LRRC36: variants seen among roughly 807,000 people sequenced by gnomAD.
LRRC36 encodes the protein leucine rich repeat containing 36.
Under a neutral mutation model 81.1 loss-of-function variants are expected in LRRC36, and 62 were observed. The observed-to-expected ratio is 0.76, with a 90% CI of 0.62 to 0.94. LRRC36 has a LOEUF of 0.94. Among genes scored for constraint, LRRC36 ranks in the 40% least tolerant of loss-of-function variants. The probability of loss-of-function intolerance (pLI) is 0.00; values close to 1 mark genes in which losing one functional copy is unlikely to be tolerated. For missense variants in LRRC36, 761 were observed against 881.7 expected, an observed-to-expected ratio of 0.86 and a Z score of 1.73; for synonymous variants, 334 against 348.6, an observed-to-expected ratio of 0.96 and a Z score of 0.47.
rs766691667 is a variant in LRRC36, at chr16:67,375,420, A to C, written c.1660+8A>C. On this transcript the variant is annotated splice_region_variant and intron_variant, in intron 10 of 13. Transcript: ENST00000329956. ...TCAACAAGAAGTTTCTCGGTGAGTG[A>C]ATGCATTCTCTGTCCTTGGACAGGA... is the stretch of plus-strand genomic sequence containing the variant. 1.3e-6 allele frequency: 2 copies of C among 1,570,366 alleles called. No homozygotes were observed. Among genetic ancestry groups the C allele is most frequent in the Admixed American group, 3.9e-5 (2 of 50,966 alleles).
intron 1 of LRRC36, among the ~76,000 whole-genome samples, chr16:67,332,905 T>A (rs192581617): frequency 0.014 from 2,051 of 151,214 alleles, 26 homozygotes; most frequent in South Asian, 0.03. Context: ...TATTTTTTTT[T>A]AAAAAAAACA....
At chr16:67,344,419 T>C (rs1278705289) in intron 2 of LRRC36, among the ~76,000 whole-genome samples, 2 of 152,068 alleles carry the variant, frequency 1.3e-5, no homozygotes, top group African/African-American at 4.8e-5. Flanking sequence ...ACCCTGTCTC[T>C]ACAAAACAGA....
rs1194793258 is a variant in LRRC36 at position 67,378,612 on chromosome 16, C to T, written c.1830C>T (p.Val610=). The change falls in exon 12 of 14, where the codon GTC becomes GTT. Residue 610 remains valine, a synonymous_variant. Transcript: ENST00000329956. The stretch of plus-strand genomic sequence containing the variant: ...AGGAAAGTTTGAAGCAAAAACTGGT[C>T]AGAGTGCTGGAGGAAAACCTCATTT... ...NDMESLKQKL[V]RVLEENLILS... 1.9e-6 allele frequency: 3 copies of T among 1,613,882 alleles called. No individual in the cohort carries two copies. The highest frequency in any genetic ancestry group is 2.5e-6 in the Non-Finnish European group (3 of 1,179,868).
chr16:67,343,479 G>A (rs1256869002), intron 2 of LRRC36, among the ~76,000 whole-genome samples: 4 of 152,014 alleles, frequency 2.6e-5, no homozygotes, highest in East Asian at 1.9e-4. Flanking sequence ...GGTGGATCCC[G>A]AAGTCAGGAG....
intron 1 of LRRC36, among the ~76,000 whole-genome samples, chr16:67,337,823 C>T (rs939724131): frequency 3.3e-5 from 5 of 151,826 alleles, no homozygotes; most frequent in South Asian, 2.1e-4. Flanking sequence ...GAGGGCTGGG[C>T]GTGGTGGTTC....
intron 5 of LRRC36, among the ~76,000 whole-genome samples, chr16:67,362,835 T>A (rs2039218528): frequency 6.6e-6 from 1 of 152,110 alleles, no homozygotes; most frequent in African/African-American, 2.4e-5. Context: ...TGGAGTGCAG[T>A]GGCACAGTCG....
intron 13 of LRRC36, 58 bp from the exon 14 acceptor site, chr16:67,384,812 G>T: frequency 7.2e-7 from 1 of 1,381,764 alleles, no homozygotes; most frequent in East Asian, 2.3e-5. Context: ...TTTTGGGTCT[G>T]CATGGTATCT....
rs371043255 is a variant in LRRC36, at chr16:67,364,386, T to C, written c.702+672T>C. ...CTTTCTGTGCCTTTTCTTTGATACATTTATGAGCAATAAAATTGTAGAAAA... is the reference window on the plus strand; with the variant it reads ...CTTTCTGTGCCTTTTCTTTGATACACTTATGAGCAATAAAATTGTAGAAAA... On this transcript the variant is annotated intron_variant, in intron 6 of 13. Coordinates refer to ENST00000329956, the MANE Select transcript of LRRC36 (RefSeq NM_018296.6). Among the ~76,000 whole-genome samples the C allele has an allele frequency of 5.3e-5, 8 of 152,226 alleles. No homozygotes were observed. In the East Asian group the frequency reaches 1.5e-3, roughly 29 times the overall value.
At chr16:67,332,984 T>C (rs1417689407) in intron 1 of LRRC36, among the ~76,000 whole-genome samples, 2 of 152,024 alleles carry the variant, frequency 1.3e-5, no homozygotes, top group Non-Finnish European at 2.9e-5. Context: ...CCCGACCTCC[T>C]GGGCTCAAGC....
At chr16:67,340,819 CCACATA>C in intron 1 of LRRC36, among the ~76,000 whole-genome samples, 1 of 140,584 alleles carries the variant, frequency 7.1e-6, no homozygotes, top group Non-Finnish European at 1.5e-5. Flanking sequence ...AGAATATATA[CCACATA>C]TACTCTATAG....
In LRRC36 at chr16:67,350,279, G is replaced by C; in HGVS notation, c.566G>C (p.Arg189Thr). ...AAAGTCAGTGCTAATGTTGACAGCA[G>C]GATTGAAATGGGTAAGTTTTCTCCC... ...ASKVSANVDS[R>T]IEMDSNKGLF... The change falls in exon 5 of 14, where the codon AGG becomes ACG. Residue 189 changes from arginine to threonine, a missense_variant. Around this residue, in one of 3 missense-constraint regions of LRRC36, gnomAD observed 263 missense variants for 279.3 expected, o/e 0.94. Transcript: ENST00000329956. 1 of 1,611,754 alleles carries C rather than the reference G, an allele frequency of 6.2e-7. No individual in the cohort carries two copies. Among genetic ancestry groups the C allele is most frequent in the Non-Finnish European group, 8.5e-7 (1 of 1,178,834 alleles).
At chr16:67,358,829 A>G (rs969633495) in intron 5 of LRRC36, among the ~76,000 whole-genome samples, 8 of 152,184 alleles carry the variant, frequency 5.3e-5, no homozygotes, top group African/African-American at 9.7e-5. Context: ...AAGCAAAACT[A>G]CAAGGAGATA....
At position 67,365,352 on chromosome 16, in the gene LRRC36, G is replaced by A; in HGVS notation, c.751G>A (p.Asp251Asn). The change falls in exon 7 of 14, where the codon GAT becomes AAT. Residue 251 changes from aspartate to asparagine, a missense_variant. Around this residue, in one of 3 missense-constraint regions of LRRC36, gnomAD observed 139 missense variants for 214.0 expected, o/e 0.65. Coordinates refer to ENST00000329956, the MANE Select transcript of LRRC36 (RefSeq NM_018296.6). ...GATGCCAAGTGACAATCACCAGGAA[G>A]ATGGTAAATATTTTGCTCACTGAGT... Reference protein sequence around the residue: ...REMPSDNHQEDEFRHYSPRQS... With the variant: ...REMPSDNHQENEFRHYSPRQS... The A allele has an allele frequency of 6.2e-7, 1 of 1,613,420 alleles. No individual in the cohort carries two copies. The highest frequency in any genetic ancestry group is 8.5e-7 in the Non-Finnish European group (1 of 1,179,630).
chr16:67,375,338 TCAGA>T lies in LRRC36; in HGVS notation c.1590_1593del (p.Arg530SerfsTer34). 7 of 1,612,320 alleles carry T rather than the reference TCAGA, an allele frequency of 4.3e-6. No homozygotes were observed. The highest frequency in any genetic ancestry group is 5.9e-6 in the Non-Finnish European group (7 of 1,179,598). ...AGAACCCCCCATGTGGCCACTGTCCTCAGACAGCTCCTGGAGCTTGTGGATAAGC... is the reference window on the plus strand; with the variant it reads ...AGAACCCCCCATGTGGCCACTGTCCTCAGCTCCTGGAGCTTGTGGATAAGC... On this transcript the variant is annotated frameshift_variant, in exon 10 of 14. Transcript: ENST00000329956. LOFTEE classifies it high-confidence loss of function.
intron 4 of LRRC36, chr16:67,348,437 T>G (rs757376392): frequency 1.3e-5 from 2 of 152,150 alleles, no homozygotes; most frequent in African/African-American, 4.8e-5. Context: ...GAAAGAAACA[T>G]TCATTATATT....
chr16:67,342,108 G>C, intron 2 of LRRC36, 24 bp downstream of exon 2: 1 of 1,508,996 alleles, frequency 6.6e-7, no homozygotes, highest in South Asian at 1.3e-5. Context: ...TCTATGACCA[G>C]CCAGGTCTGC....
At chr16:67,366,324 T>G (rs1000879075) in intron 7 of LRRC36, among the ~76,000 whole-genome samples, 1 of 151,916 alleles carries the variant, frequency 6.6e-6, no homozygotes, top group Non-Finnish European at 1.5e-5. Flanking sequence ...ATTAAAAAAA[T>G]TTTTTTCGGA....
intron 1 of LRRC36, among the ~76,000 whole-genome samples, chr16:67,341,051 CTCTACATAT>C (rs1336937850): frequency 1.0e-4 from 12 of 115,784 alleles, no homozygotes; most frequent in African/African-American, 4.5e-4. Context: ...AGAATATGTA[CTCTACATAT>C]TCTATAGAAT....
chr16:67,367,304 G>C lies in LRRC36; in HGVS notation c.1042G>C (p.Gly348Arg). 6.2e-7 allele frequency: 1 copy of C among 1,614,036 alleles called. No homozygotes were observed. ...SQTLSLHGSL[G>R]KRPQRSKNYQ... is the part of the protein sequence containing the mutation. ...AACTCTATCCCTGCATGGAAGTCTT[G>C]GTAAAAGGCCTCAGAGAAGCAAGAA... The change falls in exon 8 of 14, where the codon GGT becomes CGT. Residue 348 changes from glycine to arginine, a missense_variant. This residue lies in a region of LRRC36 where 139 missense variants were observed against 214.0 expected (regional missense o/e 0.65). Transcript: ENST00000329956.
Sources: allele counts gnomAD v4.1 joint callset (sites outside exome capture counted in the v4.1 genomes callset), GRCh38; gene constraint gnomAD v4.1.1; regional missense constraint gnomAD v4.1.1; transcripts MANE v1.5; gene names NCBI Gene and HGNC (gene_info 2026-07-23, HGNC 2026-07-21).